Variants in CPSF3 observed in about 807,000 individuals in gnomAD.
CPSF3 encodes the protein cleavage and polyadenylation specific factor 3.
Under a neutral mutation model 84.1 loss-of-function variants are expected in CPSF3, and 57 were observed. That is an observed-to-expected ratio of 0.68 (90% CI 0.55 to 0.85). CPSF3 has a LOEUF of 0.85. Among genes scored for constraint, CPSF3 ranks in the 40% least tolerant of loss-of-function variants. The pLI is 0.00. For missense variants in CPSF3, 522 were observed against 838.8 expected, an observed-to-expected ratio of 0.62 and a Z score of 4.66; for synonymous variants, 275 against 278.1, an observed-to-expected ratio of 0.99 and a Z score of 0.11.
intron 9 of CPSF3, among the ~76,000 whole-genome samples, chr2:9,442,970 T>C (rs190449862): frequency 2.6e-5 from 4 of 152,242 alleles, no homozygotes; most frequent in Admixed American, 6.5e-5. Flanking sequence ...GGGGACCAGC[T>C]TGGGCAACAT....
In CPSF3 at chr2:9,472,896, T is replaced by G; in HGVS notation, c.1954-20T>G. The G allele has an allele frequency of 3.4e-6, 5 of 1,452,596 alleles. No individual in the cohort carries two copies. The highest frequency in any genetic ancestry group is 4.8e-6 in the Non-Finnish European group (5 of 1,033,638). The allele number at this position is 1,452,596 out of a possible 1,614,324, so 90.0% of individuals were successfully genotyped here. ...ATTATAGACTTAATTCTAACAGTCT[T>G]GTTTGTGCCTCACTTTCAGACTGTA... On this transcript the variant is annotated intron_variant, in intron 17 of 17. Transcript: ENST00000238112.
At chr2:9,451,749 G>T (rs1400840307) in intron 11 of CPSF3, among the ~76,000 whole-genome samples, 2 of 136,084 alleles carry the variant, frequency 1.5e-5, no homozygotes, top group Non-Finnish European at 3.0e-5. Context: ...AAAAAGTCTC[G>T]CTCTGTCTCC....
At chr2:9,466,272 ACGCACACACGTG>A (rs1681931491) in intron 15 of CPSF3, among the ~76,000 whole-genome samples, 1 of 43,574 alleles carries the variant, frequency 2.3e-5, no homozygotes, top group African/African-American at 6.8e-5. Context: ...ACAAAGACGC[ACGCACACACGTG>A]CGCACACAGA....
rs140017095 is a variant in CPSF3 at position 9,444,726 on chromosome 2, G to A, written c.1242+1065G>A. Among the ~76,000 whole-genome samples, 11 of 151,960 alleles carry A rather than the reference G, an allele frequency of 7.2e-5. No individual in the cohort carries two copies. The East Asian group carries it at 1.4e-3, about 19-fold the overall frequency. On this transcript the variant is annotated intron_variant, in intron 10 of 17. Coordinates refer to ENST00000238112, the MANE Select transcript of CPSF3 (RefSeq NM_016207.4). ...GTTGCCTAGGCTGGAGTGCAGTGGC[G>A]CCAATCTCAGCTCACTGCAGCTTCT...
intron 4 of CPSF3, among the ~76,000 whole-genome samples, chr2:9,431,088 G>C (rs922278245): frequency 2.6e-5 from 4 of 152,186 alleles, no homozygotes; most frequent in Non-Finnish European, 1.5e-5. Context: ...ACAGGATCTT[G>C]CTCTGTCATC....
At chr2:9,465,725 T>C (rs1476861420) in intron 15 of CPSF3, among the ~76,000 whole-genome samples, 1 of 152,242 alleles carries the variant, frequency 6.6e-6, no homozygotes, top group Non-Finnish European at 1.5e-5. Context: ...AGAGCTCAGC[T>C]GGCCTTCACT....
intron 10 of CPSF3, among the ~76,000 whole-genome samples, chr2:9,444,300 G>T (rs1681056524): frequency 6.6e-6 from 1 of 151,312 alleles, no homozygotes; most frequent in Non-Finnish European, 1.5e-5. Context: ...GCTAATTTTT[G>T]TATTTTTAGT....
At chr2:9,446,917 G>A (rs890693567) in intron 10 of CPSF3, among the ~76,000 whole-genome samples, 1 of 152,182 alleles carries the variant, frequency 6.6e-6, no homozygotes, top group African/African-American at 2.4e-5. Flanking sequence ...AGGCTGAGGT[G>A]GAAAGACTGC....
In CPSF3 at chr2:9,452,913, G is replaced by A. The variant is rs1368886271; in HGVS notation, c.1396G>A (p.Val466Ile). Residue 466 changes from valine to isoleucine, a missense_variant and splice_region_variant, in exon 12 of 18, where the codon GTT becomes ATT. Physicochemically the swap from Val to Ile is conservative, Grantham distance 29. Around this residue, in one of 2 missense-constraint regions of CPSF3, gnomAD observed 329 missense variants for 607.2 expected, o/e 0.54. Transcript: ENST00000238112. ...TTCTTCAAGTATTTTTTTTTTACAG[G>A]TTATGGGATTTTTAGCAGACAAAAA... is the stretch of plus-strand genomic sequence containing the variant. ...LNFRGEKLAK[V>I]MGFLADKKPE... The A allele has an allele frequency of 1.3e-6, 2 of 1,587,780 alleles. No individual in the cohort carries two copies. Among genetic ancestry groups the A allele is most frequent in the Admixed American group, 1.9e-5 (1 of 52,754 alleles).
chr2:9,465,542 T>TACACACAC (rs59250489), intron 15 of CPSF3, among the ~76,000 whole-genome samples: 31 of 149,858 alleles, frequency 2.1e-4, no homozygotes, highest in African/African-American at 7.6e-4. Flanking sequence ...CCCCATATCA[T>TACACACAC]ACACACACAC....
At chr2:9,457,393 T>C (rs143136919) in intron 14 of CPSF3, among the ~76,000 whole-genome samples, 7 of 152,294 alleles carry the variant, frequency 4.6e-5, no homozygotes, top group African/African-American at 1.7e-4. Context: ...GGTAAAAATT[T>C]AATTCTGTTA....
intron 15 of CPSF3, among the ~76,000 whole-genome samples, chr2:9,463,538 C>T (rs962538275): frequency 3.3e-5 from 5 of 152,210 alleles, no homozygotes; most frequent in Non-Finnish European, 5.9e-5. Context: ...TGTGATATGT[C>T]AGCATGGACA....
intron 10 of CPSF3, among the ~76,000 whole-genome samples, chr2:9,446,714 G>A (rs149454544): frequency 1.6e-3 from 246 of 151,826 alleles, no homozygotes; most frequent in African/African-American, 5.8e-3. Flanking sequence ...CCAAGATCAC[G>A]ACACTGCACT....
chr2:9,455,631 T>TAG (rs1681499783), intron 12 of CPSF3, 28 bp from the exon 13 acceptor site: 1 of 1,521,232 alleles, frequency 6.6e-7, no homozygotes, highest in Non-Finnish European at 9.1e-7. Context: ...CTAGTATTTC[T>TAG]TCAAGTCTCT....
At chr2:9,454,408 A>G (rs1309834410) in intron 12 of CPSF3, among the ~76,000 whole-genome samples, 3 of 152,182 alleles carry the variant, frequency 2.0e-5, no homozygotes, top group Non-Finnish European at 4.4e-5. Context: ...ACTCTGTCTC[A>G]AAAAAGAAAG....
At chr2:9,458,190 G>A (rs774474711) in intron 14 of CPSF3, among the ~76,000 whole-genome samples, 4 of 151,792 alleles carry the variant, frequency 2.6e-5, no homozygotes, top group Non-Finnish European at 2.9e-5. Flanking sequence ...AATCACCTGA[G>A]ATCAGGAGTT....
intron 16 of CPSF3, among the ~76,000 whole-genome samples, chr2:9,468,779 C>T (rs1327693907): frequency 6.6e-6 from 1 of 151,912 alleles, no homozygotes; most frequent in Non-Finnish European, 1.5e-5. Flanking sequence ...GGCGCATGCC[C>T]ACCACACCCA....
intron 4 of CPSF3, among the ~76,000 whole-genome samples, chr2:9,431,731 A>T (rs1680597311): frequency 1.3e-5 from 2 of 151,470 alleles, no homozygotes; most frequent in South Asian, 4.2e-4. Flanking sequence ...TTGTATTTTT[A>T]GTAGAGACGG....
chr2:9,430,937 A>C, intron 4 of CPSF3, 57 bp downstream of exon 4: 1 of 1,347,992 alleles, frequency 7.4e-7, no homozygotes, highest in Non-Finnish European at 1.0e-6. Context: ...TGTATGGTTC[A>C]AGATATGGAC....
Sources: gnomAD v4.1 joint callset for allele counts (sites outside exome capture counted in the v4.1 genomes callset) on GRCh38, gnomAD v4.1.1 for gene constraint, gnomAD v4.1.1 regional missense constraint, MANE v1.5 for transcripts, NCBI Gene and HGNC (gene_info 2026-07-23, HGNC 2026-07-21) for gene names.